MMP24: variants seen among roughly 807,000 people sequenced by gnomAD.
The protein encoded by MMP24 is matrix metalloproteinase-24.
Under a neutral mutation model 62.8 loss-of-function variants are expected in MMP24, and 25 were observed. The ratio of observed to expected loss-of-function variants is 0.40; its 90% CI spans 0.29 to 0.56. MMP24 has a LOEUF of 0.56. MMP24 is among the 20% of genes least tolerant of loss of function. The pLI is 0.50. For synonymous variants in MMP24, 319 were observed against 350.5 expected, an observed-to-expected ratio of 0.91 and a Z score of 1.00; for missense variants, 634 against 853.6, an observed-to-expected ratio of 0.74 and a Z score of 3.21.
intron 4 of MMP24, 91 bp from the exon 5 acceptor site, chr20:35,263,700 C>A: frequency 8.6e-7 from 1 of 1,161,010 alleles, no homozygotes; most frequent in East Asian, 2.9e-5. Flanking sequence ...GGCACAGGGC[C>A]CGTGCTCGGT....
chr20:35,247,030 C>A (rs770243143), intron 2 of MMP24, 42 bp downstream of exon 2: 21 of 1,610,062 alleles, frequency 1.3e-5, no homozygotes, highest in Non-Finnish European at 1.7e-5. Flanking sequence ...ACTTTCTGGA[C>A]TTACATTTGG....
intron 4 of MMP24, 47 bp from the exon 5 acceptor site, chr20:35,263,744 A>G (rs2060616562): frequency 7.0e-6 from 10 of 1,435,206 alleles, no homozygotes; most frequent in Non-Finnish European, 8.3e-6. Flanking sequence ...TGACCGACTC[A>G]TATCTAAGCA....
rs761409738 is a variant in MMP24, at chr20:35,263,857, A to T, written c.884A>T (p.Asp295Val). The T allele has an allele frequency of 1.9e-6, 3 of 1,611,828 alleles. No homozygotes were observed. Among genetic ancestry groups the T allele is most frequent in the Non-Finnish European group, 2.5e-6 (3 of 1,178,980 alleles). The change falls in exon 5 of 9, where the codon GAC becomes GTC. Residue 295 changes from aspartate to valine, a missense_variant. Transcript: ENST00000246186. ...GCGCTGGGACTGGAGCACTCCAGCG[A>T]CCCCAGCGCCATCATGGCGCCCTTC... ...GHALGLEHSSDPSAIMAPFYQ... is the reference protein window; with the variant it reads ...GHALGLEHSSVPSAIMAPFYQ...
chr20:35,241,837 G>A (rs575204248), intron 1 of MMP24, among the ~76,000 whole-genome samples: 1 of 152,318 alleles, frequency 6.6e-6, no homozygotes, highest in East Asian at 1.9e-4. Flanking sequence ...TAGCTTCGAG[G>A]TGGATGCTCA....
Position 35,267,191 on chromosome 20 carries a change from G to T in MMP24, c.980-14G>T. On this transcript the variant is annotated splice_polypyrimidine_tract_variant and intron_variant, in intron 5 of 8. Transcript: ENST00000246186. ...ACGGCTGCCCCCTCTCTAAGATGCAGCTCCTCTCTCCAGGACCCCCAGCCG... is the reference window on the plus strand; with the variant it reads ...ACGGCTGCCCCCTCTCTAAGATGCATCTCCTCTCTCCAGGACCCCCAGCCG... 1 of 1,568,706 alleles carries T rather than the reference G, an allele frequency of 6.4e-7. No homozygotes were observed. Among genetic ancestry groups the T allele is most frequent in the Non-Finnish European group, 8.6e-7 (1 of 1,157,124 alleles).
chr20:35,270,260 T>C (rs1039767427), intron 7 of MMP24, among the ~76,000 whole-genome samples: 10 of 152,222 alleles, frequency 6.6e-5, no homozygotes, highest in African/African-American at 2.4e-4. Flanking sequence ...GCCCACCCTG[T>C]ACCCAGCACT....
In MMP24 at chr20:35,258,326, C is replaced by T. The variant is rs542325420; in HGVS notation, c.817+3572C>T. On this transcript the variant is annotated intron_variant, in intron 4 of 8. Coordinates refer to ENST00000246186, the MANE Select transcript of MMP24 (RefSeq NM_006690.4). The stretch of plus-strand genomic sequence containing the variant: ...AACAATAATTTTTTAAAATCTAATA[C>T]CCAGTTCGAGTTCACTTTCCCAAAG... Among the ~76,000 whole-genome samples, 9 of 152,238 alleles carry T rather than the reference C, an allele frequency of 5.9e-5. No homozygotes were observed. The East Asian group carries it at 9.6e-4, about 16-fold the overall frequency.
chr20:35,226,757 GGCCGCGCCGCGCCGGGGCC>G lies in MMP24; in HGVS notation c.25_43del (p.Ala9ArgfsTer71). On this transcript the variant is annotated frameshift_variant, in exon 1 of 9. Transcript: ENST00000246186. LOFTEE classifies it high-confidence loss of function. ...CGCCGGGATGCCGAGGAGCCGGGGC[GGCCGCGCCGCGCCGGGGCC>G]GCCGCCGCCGCCGCCGCCGCCGGGC... 3 of 427,456 alleles carry G rather than the reference GGCCGCGCCGCGCCGGGGCC, an allele frequency of 7.0e-6. No individual in the cohort carries two copies. The highest frequency in any genetic ancestry group is 5.1e-6 in the Non-Finnish European group (2 of 393,158). The allele number at this position is 427,456 out of a possible 1,614,324, so 26.5% of individuals were successfully genotyped here.
chr20:35,262,501 C>T (rs2060609183), intron 4 of MMP24, among the ~76,000 whole-genome samples: 1 of 151,380 alleles, frequency 6.6e-6, no homozygotes, highest in Non-Finnish European at 1.5e-5. Flanking sequence ...CAGGTCCCAC[C>T]TCCAGCCCTA....
Position 35,265,488 on chromosome 20 carries a change from T to G in MMP24, c.979+1536T>G, listed in dbSNP as rs140233781. Among the ~76,000 whole-genome samples, 1,489 of 152,250 alleles carry G rather than the reference T, an allele frequency of 9.8e-3. 15 individuals are homozygous for G. The highest frequency in any genetic ancestry group is 0.034 in the African/African-American group (1,412 of 41,532). On this transcript the variant is annotated intron_variant, in intron 5 of 8. Transcript: ENST00000246186. ...TGGAATACTTATTTGGGATCTTTGTTGTTCAATACAGTAACCACTAGTCAT... is the reference window on the plus strand; with the variant it reads ...TGGAATACTTATTTGGGATCTTTGTGGTTCAATACAGTAACCACTAGTCAT...
At chr20:35,237,123 G>T (rs1190291123) in intron 1 of MMP24, among the ~76,000 whole-genome samples, 1 of 152,302 alleles carries the variant, frequency 6.6e-6, no homozygotes, top group Non-Finnish European at 1.5e-5. Flanking sequence ...CTATGTGCCA[G>T]AATCTGCTAA....
intron 3 of MMP24, 93 bp downstream of exon 3, chr20:35,252,114 G>A: frequency 1.9e-6 from 2 of 1,050,484 alleles, no homozygotes; most frequent in Non-Finnish European, 2.9e-6. Context: ...ATGTAGGGGG[G>A]CCTGGGGATC....
Position 35,267,400 on chromosome 20 carries a change from G to A in MMP24, c.1175G>A (p.Gly392Asp). The A allele has an allele frequency of 1.3e-6, 2 of 1,559,424 alleles. No homozygotes were observed. The highest frequency in any genetic ancestry group is 1.7e-6 in the Non-Finnish European group (2 of 1,151,792). Reference protein sequence around the residue: ...GNFNTVALFRGEMFVFKDRWF... With the variant: ...GNFNTVALFRDEMFVFKDRWF... ...TTCAACACAGTGGCCCTCTTCCGGG[G>A]CGAGATGTTTGTCTTTAAGGTAGGG... The change falls in exon 6 of 9, where the codon GGC becomes GAC. Residue 392 changes from glycine to aspartate, a missense_variant. By Grantham distance (94) the Gly-to-Asp change is moderately conservative. Transcript: ENST00000246186.
At position 35,246,991 on chromosome 20, in the gene MMP24, A is replaced by G. The variant is rs745492185; in HGVS notation, c.395+3A>G. Reference sequence around the variant, plus strand: ...GTGTTGGATCAGACAACGATCGAGTAAGATTTCCATAGGACATTGTGCCTT... The same window carrying G: ...GTGTTGGATCAGACAACGATCGAGTGAGATTTCCATAGGACATTGTGCCTT... On this transcript the variant is annotated splice_donor_region_variant and intron_variant, in intron 2 of 8. Transcript: ENST00000246186. 1 of 1,613,912 alleles carries G rather than the reference A, an allele frequency of 6.2e-7. No homozygotes were observed. Among genetic ancestry groups the G allele is most frequent in the African/African-American group, 1.3e-5 (1 of 74,926 alleles).
intron 4 of MMP24, among the ~76,000 whole-genome samples, chr20:35,258,007 G>A (rs1030494383): frequency 3.3e-5 from 5 of 152,052 alleles, no homozygotes; most frequent in African/African-American, 1.2e-4. Context: ...GAGTTTCCTG[G>A]GAACTTTTTG....
At chr20:35,235,691 T>A (rs2060459589) in intron 1 of MMP24, among the ~76,000 whole-genome samples, 1 of 152,078 alleles carries the variant, frequency 6.6e-6, no homozygotes, top group African/African-American at 2.4e-5. Flanking sequence ...AGAGCAAGAC[T>A]ATGTCTCAAA....
At chr20:35,245,408 CTCTG>C (rs1274243298) in intron 1 of MMP24, among the ~76,000 whole-genome samples, 2 of 151,200 alleles carry the variant, frequency 1.3e-5, no homozygotes, top group South Asian at 2.1e-4. Context: ...TTCTCTCTGT[CTCTG>C]TCTGTCTCTC....
intron 3 of MMP24, 38 bp from the exon 4 acceptor site, chr20:35,254,412 C>CTCT: frequency 6.4e-7 from 1 of 1,560,560 alleles, no homozygotes; most frequent in South Asian, 1.2e-5. Context: ...GTCTCTGACT[C>CTCT]TCTGATCTTG....
intron 4 of MMP24, among the ~76,000 whole-genome samples, chr20:35,260,110 T>G (rs2060594611): frequency 6.6e-6 from 1 of 152,226 alleles, no homozygotes; most frequent in South Asian, 2.1e-4. Flanking sequence ...CCTAGCAGCC[T>G]CCTGCCCATG....
Sources: gnomAD v4.1 joint callset for allele counts (sites outside exome capture counted in the v4.1 genomes callset) on GRCh38, gnomAD v4.1.1 for gene constraint, MANE v1.5 for transcripts, NCBI Gene and HGNC (gene_info 2026-07-23, HGNC 2026-07-21) for gene names.